The following ATP10B variants were observed in gnomAD, a reference collection of about 807,000 sequenced individuals.
ATP10B encodes phospholipid-transporting ATPase VB.
In ATP10B, 122 loss-of-function variants were observed where a neutral mutation model predicts 141.2. The ratio of observed to expected loss-of-function variants is 0.86; its 90% CI spans 0.75 to 1.00. ATP10B has a LOEUF of 1.00. Ranked by LOEUF, ATP10B falls within the 50% of genes least tolerant of loss-of-function variation. The pLI, the probability that ATP10B is intolerant of heterozygous loss-of-function variation, is 0.00. For synonymous variants in ATP10B, 685 were observed against 692.0 expected, an observed-to-expected ratio of 0.99 and a Z score of 0.16; for missense variants, 1,876 against 1,825.3, an observed-to-expected ratio of 1.03 and a Z score of -0.51.
At chr5:160,670,059 C>T (rs75955128) in intron 7 of ATP10B, among the ~76,000 whole-genome samples, 3,676 of 152,072 alleles carry the variant, frequency 0.024, 160 homozygotes, top group African/African-American at 0.081. Context: ...TATTAGGATT[C>T]GTGGCAGGAG....
rs552491049 is a variant in ATP10B at position 160,816,667 on chromosome 5, C to T, written c.-575-30864G>A. Reference sequence around the variant, plus strand: ...ACTCATTTTATGAGGCCAGCATCATCCTGATACCAAAGCCGGACAGAGACA... The same window carrying T: ...ACTCATTTTATGAGGCCAGCATCATTCTGATACCAAAGCCGGACAGAGACA... On this transcript the variant is annotated intron_variant, in intron 1 of 25. Coordinates refer to ENST00000327245, the MANE Select transcript of ATP10B (RefSeq NM_025153.3). 1.4e-3 allele frequency among the ~76,000 whole-genome samples: 215 copies of T among 152,272 alleles called. 1 individual carries two copies. Among genetic ancestry groups the T allele is most frequent in the Middle Eastern group, 0.014 (4 of 294 alleles).
intron 2 of ATP10B, among the ~76,000 whole-genome samples, chr5:160,717,814 C>T (rs997027649): frequency 6.6e-6 from 1 of 152,140 alleles, no homozygotes; most frequent in Non-Finnish European, 1.5e-5. Flanking sequence ...TGTACTGAGA[C>T]ACTTAATGAG....
the ATP10B span, among the ~76,000 whole-genome samples, chr5:160,870,969 A>G: frequency 6.3e-5 from 1 of 15,930 alleles, no homozygotes; most frequent in Non-Finnish European, 2.5e-4. Flanking sequence ...ACAATTCTGT[A>G]CTTTTTGAAA....
At chr5:160,906,605 A>T in the ATP10B span, among the ~76,000 whole-genome samples, 1 of 152,140 alleles carries the variant, frequency 6.6e-6, no homozygotes, top group South Asian at 2.1e-4. Flanking sequence ...ACCCATCTCT[A>T]CTTCTTCTCC....
At chr5:160,819,809 A>G (rs888313140) in intron 1 of ATP10B, among the ~76,000 whole-genome samples, 30 of 152,126 alleles carry the variant, frequency 2.0e-4, no homozygotes, top group Admixed American at 2.0e-3. Flanking sequence ...ATGGCACCCT[A>G]AATCAAAAAA....
At chr5:160,887,175 A>T in the ATP10B span, among the ~76,000 whole-genome samples, 2 of 152,088 alleles carry the variant, frequency 1.3e-5, no homozygotes, top group African/African-American at 4.8e-5. Context: ...TGGTCCTAGG[A>T]CCTCCTTTGG....
In ATP10B at chr5:160,785,574, C is replaced by A; in HGVS notation, c.-346G>T. 1.2e-6 allele frequency: 1 copy of A among 864,978 alleles called. No homozygotes were observed. Among genetic ancestry groups the A allele is most frequent in the South Asian group, 1.4e-5 (1 of 72,462 alleles). The allele number at this position is 864,978 out of a possible 1,614,324, so 53.6% of individuals were successfully genotyped here. A position where few individuals can be genotyped will look rare whatever the true frequency, so the allele number is the denominator to read the frequency against. ...AAGATAGTACCTGATAGGTAGATTT[C>A]AAGTCTTGTTCCTCTTTCTCCTTCC... On this transcript the variant is annotated 5_prime_UTR_variant, in exon 2 of 26. The change creates a premature stop within an existing upstream ORF in the 5' untranslated region. Coordinates refer to ENST00000327245, the MANE Select transcript of ATP10B (RefSeq NM_025153.3).
intron 2 of ATP10B, among the ~76,000 whole-genome samples, chr5:160,759,802 C>T (rs1256397319): frequency 1.3e-5 from 2 of 152,180 alleles, no homozygotes; most frequent in African/African-American, 2.4e-5. Flanking sequence ...AAACATCTTC[C>T]TCCAGAGAGA....
the ATP10B span, among the ~76,000 whole-genome samples, chr5:160,900,288 CT>C: frequency 2.0e-5 from 3 of 152,044 alleles, no homozygotes; most frequent in Non-Finnish European, 2.9e-5. Context: ...TTGTTCTAGT[CT>C]CCTTTTAAAT....
At chr5:160,766,797 G>A (rs955241297) in intron 2 of ATP10B, among the ~76,000 whole-genome samples, 1 of 152,178 alleles carries the variant, frequency 6.6e-6, no homozygotes, top group Admixed American at 6.5e-5. Context: ...CATCCCTTAA[G>A]TTAAAAGAAT....
intron 24 of ATP10B, among the ~76,000 whole-genome samples, chr5:160,574,891 G>C (rs1382430684): frequency 6.6e-6 from 1 of 151,106 alleles, no homozygotes; most frequent in African/African-American, 2.4e-5. Context: ...TGAACCTGCT[G>C]GTGCTTTGGT....
intron 1 of ATP10B, among the ~76,000 whole-genome samples, chr5:160,804,016 T>C (rs75960057): frequency 6.6e-6 from 1 of 152,086 alleles, no homozygotes; most frequent in African/African-American, 2.4e-5. Context: ...CTGGAGTTAC[T>C]GTGCCCTGAT....
At chr5:160,795,020 G>A (rs1016825203) in intron 1 of ATP10B, among the ~76,000 whole-genome samples, 1 of 152,120 alleles carries the variant, frequency 6.6e-6, no homozygotes, top group African/African-American at 2.4e-5. Flanking sequence ...CTTAATATTT[G>A]TTGAATGAAT....
the ATP10B span, among the ~76,000 whole-genome samples, chr5:160,926,776 G>A: frequency 6.6e-6 from 1 of 152,208 alleles, no homozygotes; most frequent in Non-Finnish European, 1.5e-5. Flanking sequence ...TGATTCTTGA[G>A]GTAGCTGCCT....
intron 1 of ATP10B, among the ~76,000 whole-genome samples, chr5:160,811,377 G>A (rs961165673): frequency 6.6e-6 from 1 of 152,044 alleles, no homozygotes; most frequent in African/African-American, 2.4e-5. Context: ...GTGGGTTCTT[G>A]GGGTCCCTGA....
intron 1 of ATP10B, among the ~76,000 whole-genome samples, chr5:160,827,653 G>T (rs564605309): frequency 6.6e-6 from 1 of 152,134 alleles, no homozygotes; most frequent in South Asian, 2.1e-4. Flanking sequence ...CTTTGCCAAA[G>T]CCAATGTTGA....
intron 1 of ATP10B, among the ~76,000 whole-genome samples, chr5:160,814,433 G>T (rs1051282371): frequency 2.6e-5 from 4 of 151,702 alleles, no homozygotes; most frequent in Admixed American, 2.0e-4. Flanking sequence ...GAAGTTTAGA[G>T]AAAAAAGAGT....
chr5:160,649,930 G>A (rs1037536730), intron 7 of ATP10B, among the ~76,000 whole-genome samples: 2 of 151,572 alleles, frequency 1.3e-5, no homozygotes, highest in African/African-American at 4.8e-5. Flanking sequence ...CCAGCCTGGT[G>A]AAACCCCGTC....
chr5:160,649,285 T>G (rs1273120442), intron 7 of ATP10B, 29 bp from the exon 8 acceptor site: 1 of 1,538,924 alleles, frequency 6.5e-7, no homozygotes, highest in Non-Finnish European at 9.0e-7. Flanking sequence ...TGTGAGTTTA[T>G]TAATTCAGAG....
Sources: gnomAD v4.1 joint callset for allele counts (sites outside exome capture counted in the v4.1 genomes callset) on GRCh38, gnomAD v4.1.1 for gene constraint, MANE v1.5 for transcripts, NCBI Gene and HGNC (gene_info 2026-07-23, HGNC 2026-07-21) for gene names.